Variants in FAM13B observed in about 807,000 individuals in gnomAD.
FAM13B encodes family with sequence similarity 13 member B, also known as protein FAM13B.
Under a neutral mutation model 117.3 loss-of-function variants are expected in FAM13B, and 60 were observed. The ratio of observed to expected loss-of-function variants is 0.51; its 90% confidence interval spans 0.42 to 0.63. The LOEUF is 0.63. FAM13B is among the 30% of genes least tolerant of loss of function. The pLI, the probability that FAM13B is intolerant of heterozygous loss-of-function variation, is 0.00. For synonymous variants in FAM13B, 332 were observed against 356.1 expected (o/e 0.93, Z 0.76); for missense variants, 972 against 1,091.9 (o/e 0.89, Z 1.55).
intron 10 of FAM13B, among the ~76,000 whole-genome samples, chr5:137,981,623 T>C (rs879808877): frequency 9.2e-5 from 14 of 152,010 alleles, no homozygotes; most frequent in Middle Eastern, 3.4e-3. Flanking sequence ...CCGTCTCTAC[T>C]AAAAATACAA....
upstream of FAM13B, among the ~76,000 whole-genome samples, chr5:138,033,493 A>G (rs778684731): frequency 6.6e-5 from 10 of 152,164 alleles, no homozygotes; most frequent in Non-Finnish European, 1.5e-4. Flanking sequence ...TCCCATTCCC[A>G]GAGATGTGAG....
chr5:138,002,477 C>T lies in FAM13B; in HGVS notation c.848+4513G>A, dbSNP rs143695118. ...CCAGGAGGCAGAGGTTGCAGTGAGCCGAGATCACGCTACTGCACTCCAGCC... is the reference window on the plus strand; with the variant it reads ...CCAGGAGGCAGAGGTTGCAGTGAGCTGAGATCACGCTACTGCACTCCAGCC... On this transcript the variant is annotated intron_variant, in intron 7 of 23. Coordinates refer to ENST00000689681, the MANE Select transcript of FAM13B (RefSeq NM_001385994.1). Among the ~76,000 whole-genome samples the T allele has an allele frequency of 2.3e-4, 35 of 151,968 alleles. 1 individual carries two copies. The East Asian group carries it at 6.6e-3, about 29-fold the overall frequency.
rs528250913 is a variant in FAM13B at position 138,043,733 on chromosome 5, C to T, written c.-203+8145G>A. Among the ~76,000 whole-genome samples the T allele has an allele frequency of 2.0e-5, 3 of 152,100 alleles. No homozygotes were observed. In the South Asian group the frequency reaches 6.2e-4, roughly 32 times the overall value. ...AATTATAGGCGTCAGCCACCGCACC[C>T]GGCCTCTTTTTTTTCTTTTTTTAAC... On this transcript the variant is annotated intron_variant, in intron 1 of 3. Coordinates refer to the FAM13B transcript ENST00000502471.
At chr5:137,982,642 C>A (rs761108729) in intron 10 of FAM13B, among the ~76,000 whole-genome samples, 17 of 151,548 alleles carry the variant, frequency 1.1e-4, no homozygotes, top group Non-Finnish European at 2.5e-4. Context: ...AACAAACAGG[C>A]CTTGGTTAAT....
At chr5:138,019,583 T>C (rs893779990) in intron 2 of FAM13B, among the ~76,000 whole-genome samples, 13 of 152,232 alleles carry the variant, frequency 8.5e-5, no homozygotes, top group Non-Finnish European at 1.5e-4. Context: ...GAATCCTTTT[T>C]AGAAAGTGCA....
At chr5:137,998,231 T>C (rs1233223072) in intron 7 of FAM13B, among the ~76,000 whole-genome samples, 1 of 152,198 alleles carries the variant, frequency 6.6e-6, no homozygotes, top group East Asian at 1.9e-4. Flanking sequence ...TGATGCAAAA[T>C]CAATGGTAGA....
At chr5:138,007,267 G>C in intron 6 of FAM13B, 120 bp from the exon 7 acceptor site, 2 of 756,944 alleles carry the variant, frequency 2.6e-6, no homozygotes, top group East Asian at 2.8e-5. Context: ...TCATTTCCTA[G>C]GACCAATCTC....
At chr5:138,033,140 G>C (rs1790646162), upstream of FAM13B, 1 of 655,738 alleles carries the variant, frequency 1.5e-6, no homozygotes. Context: ...GGCCGCTGGT[G>C]GGGGCGGGGC....
intron 23 of FAM13B, among the ~76,000 whole-genome samples, chr5:137,941,483 T>A (rs1261323159): frequency 3.9e-5 from 6 of 152,118 alleles, no homozygotes; most frequent in Non-Finnish European, 5.9e-5. Flanking sequence ...TGCCATACTG[T>A]ATTATAGGAG....
chr5:138,026,853 C>T (rs1463003961), intron 1 of FAM13B, among the ~76,000 whole-genome samples: 1 of 151,110 alleles, frequency 6.6e-6, no homozygotes, highest in Non-Finnish European at 1.5e-5. Flanking sequence ...ACAGGAGAAT[C>T]GCTTGAACCC....
intron 7 of FAM13B, among the ~76,000 whole-genome samples, chr5:138,000,697 G>A (rs554816707): frequency 2.6e-5 from 4 of 152,208 alleles, no homozygotes; most frequent in South Asian, 2.1e-4. Flanking sequence ...TTGGGAGGCC[G>A]AAGTAGGCAG....
chr5:138,024,477 T>C (rs62383467), intron 1 of FAM13B, among the ~76,000 whole-genome samples: 23 of 151,484 alleles, frequency 1.5e-4, no homozygotes, highest in African/African-American at 5.6e-4. Context: ...TCCTCAACTG[T>C]GAGAAAAAAC....
chr5:137,942,986 T>C lies in FAM13B; in HGVS notation c.2477A>G (p.Lys826Arg). Residue 826 changes from lysine to arginine, a missense_variant, in exon 22 of 24, where the codon AAA becomes AGA. Physicochemically the swap from Lys to Arg is conservative, Grantham distance 26. Coordinates refer to ENST00000689681, the MANE Select transcript of FAM13B (RefSeq NM_001385994.1). Reference protein sequence around the residue: ...NLSSELGDMLKTAVQVQSSLE... With the variant: ...NLSSELGDMLRTAVQVQSSLE... The stretch of plus-strand genomic sequence containing the variant: ...TGAAGACTGTACCTGTACTGCAGTT[T>C]TCAACATATCACCTAACTCAGAGGA... 1 of 1,613,444 alleles carries C rather than the reference T, an allele frequency of 6.2e-7. No individual in the cohort carries two copies. The highest frequency in any genetic ancestry group is 8.5e-7 in the Non-Finnish European group (1 of 1,179,864).
intron 1 of FAM13B, among the ~76,000 whole-genome samples, chr5:138,040,896 T>G (rs754104054): frequency 2.2e-4 from 33 of 151,622 alleles, no homozygotes; most frequent in African/African-American, 7.3e-4. Context: ...AAACCCTGCC[T>G]CTACTAAAAT....
intron 7 of FAM13B, among the ~76,000 whole-genome samples, chr5:137,999,774 T>C (rs556239858): frequency 2.6e-5 from 4 of 152,256 alleles, no homozygotes; most frequent in Admixed American, 1.3e-4. Context: ...ATTCAGTGTC[T>C]GATGAGGGCC....
intron 6 of FAM13B, among the ~76,000 whole-genome samples, chr5:138,008,962 G>C (rs1048163677): frequency 1.3e-5 from 2 of 152,190 alleles, no homozygotes; most frequent in Non-Finnish European, 2.9e-5. Context: ...GGCCAACATG[G>C]CAAAATCCAA....
At chr5:138,050,861 A>C (rs1334137596) in intron 1 of FAM13B, among the ~76,000 whole-genome samples, 1 of 152,226 alleles carries the variant, frequency 6.6e-6, no homozygotes, top group Non-Finnish European at 1.5e-5. Context: ...CCTTACAGAT[A>C]GTCTAAATTC....
chr5:137,978,711 A>C (rs534988735), intron 10 of FAM13B, among the ~76,000 whole-genome samples: 14 of 152,188 alleles, frequency 9.2e-5, no homozygotes, highest in Admixed American at 4.6e-4. Context: ...TTTTTCCTCC[A>C]AAGAGCTAGA....
chr5:138,021,419 CG>C, intron 1 of FAM13B, among the ~76,000 whole-genome samples: 1 of 152,226 alleles, frequency 6.6e-6, no homozygotes, highest in African/African-American at 2.4e-5. Context: ...AATAAATAAA[CG>C]AATTGCAAAG....
Sources: allele counts gnomAD v4.1 joint callset (sites outside exome capture counted in the v4.1 genomes callset), GRCh38; gene constraint gnomAD v4.1.1; transcripts MANE v1.5; gene names NCBI Gene and HGNC (gene_info 2026-07-23, HGNC 2026-07-21).